The following C18orf63 variants were observed in gnomAD, a reference collection of about 807,000 sequenced individuals.
C18orf63 encodes uncharacterized protein C18orf63.
Under a neutral mutation model 75.3 loss-of-function variants are expected in C18orf63, and 50 were observed. The ratio of observed to expected loss-of-function variants is 0.66; its 90% CI spans 0.53 to 0.84. The LOEUF is 0.84. Ranked by LOEUF, C18orf63 falls within the 40% of genes least tolerant of loss-of-function variation. The pLI is 0.00. For missense variants in C18orf63, 732 were observed against 800.2 expected (o/e 0.91, Z 1.03); for synonymous variants, 232 against 267.6 (o/e 0.87, Z 1.30).
At chr18:74,323,097 C>T (rs2216434) in intron 4 of C18orf63, among the ~76,000 whole-genome samples, 119,558 of 152,160 alleles carry the variant, frequency 0.79, 47,380 homozygotes, top group African/African-American at 0.89. Flanking sequence ...AAATAAAATA[C>T]TATAGATTGT....
Position 74,338,723 on chromosome 18 carries a change from G to GT in C18orf63, c.513dup (p.Glu172Ter). 7.4e-7 allele frequency: 1 copy of GT among 1,345,462 alleles called. No individual in the cohort carries two copies. Among genetic ancestry groups the GT allele is most frequent in the Non-Finnish European group, 9.7e-7 (1 of 1,027,806 alleles). The allele number at this position is 1,345,462 out of a possible 1,614,324, so 83.3% of individuals were successfully genotyped here. On this transcript the variant is annotated frameshift_variant, in exon 8 of 14. Transcript: ENST00000579455. LOFTEE classifies it high-confidence loss of function. ...CTTATTTCTATTAAAAGCTAAAAGA[G>GT]TTTGAGATTTCCCAGAGTATTATAA...
At chr18:74,322,006 T>C (rs1455370250) in intron 3 of C18orf63, among the ~76,000 whole-genome samples, 2 of 152,248 alleles carry the variant, frequency 1.3e-5, no homozygotes, top group Non-Finnish European at 2.9e-5. Flanking sequence ...TATAGTAATT[T>C]ACTTAATACT....
intron 6 of C18orf63, 24 bp downstream of exon 6, chr18:74,329,060 T>A: frequency 7.2e-7 from 1 of 1,385,866 alleles, no homozygotes; most frequent in Non-Finnish European, 9.9e-7. Context: ...CATAAGTCAA[T>A]AGATAAAACA....
chr18:74,326,505 G>A (rs1019934368), intron 4 of C18orf63, among the ~76,000 whole-genome samples: 6 of 152,144 alleles, frequency 3.9e-5, no homozygotes, highest in African/African-American at 1.4e-4. Context: ...TTTGCTTTCT[G>A]TGCAGCTCCC....
rs544004955 is a variant in C18orf63, at chr18:74,347,893, G to C, written c.978+4191G>C. 5.9e-5 allele frequency among the ~76,000 whole-genome samples: 9 copies of C among 152,190 alleles called. No individual in the cohort carries two copies. The East Asian group carries it at 1.7e-3, about 29-fold the overall frequency. On this transcript the variant is annotated intron_variant, in intron 11 of 13. Transcript: ENST00000579455. ...TAGTTTCCCCTTGACATATTTTTGG[G>C]TAGGGAGTAAACTGGGGGATTTTGG... is the stretch of plus-strand genomic sequence containing the variant.
Position 74,353,586 on chromosome 18 carries a change from A to G in C18orf63, c.1319A>G (p.Lys440Arg). ...NITPKFVPVFKNRLLQMNKNT... is the reference protein window; with the variant it reads ...NITPKFVPVFRNRLLQMNKNT... Reference sequence around the variant, plus strand: ...ACCCCTAAGTTTGTACCAGTTTTCAAAAATAGATTGTTACAAATGAACAAA... The same window carrying G: ...ACCCCTAAGTTTGTACCAGTTTTCAGAAATAGATTGTTACAAATGAACAAA... Residue 440 changes from lysine to arginine, a missense_variant, in exon 12 of 14, where the codon AAA becomes AGA. Coordinates refer to ENST00000579455, the MANE Select transcript of C18orf63 (RefSeq NM_001174123.2). The G allele has an allele frequency of 6.5e-7, 1 of 1,536,480 alleles. No individual in the cohort carries two copies. The highest frequency in any genetic ancestry group is 8.7e-7 in the Non-Finnish European group (1 of 1,146,978).
At chr18:74,338,938 A>G in intron 8 of C18orf63, 114 bp downstream of exon 8, 2 of 406,352 alleles carry the variant, frequency 4.9e-6, no homozygotes, top group Non-Finnish European at 4.3e-6. Flanking sequence ...TGAATTTTAA[A>G]ATACTGAATT....
intron 7 of C18orf63, among the ~76,000 whole-genome samples, chr18:74,332,945 G>A (rs1458093802): frequency 6.6e-6 from 1 of 152,082 alleles, no homozygotes; most frequent in African/African-American, 2.4e-5. Context: ...ACCTCAGTTT[G>A]AACCAATTTA....
rs73468639 is a variant in C18orf63 at position 74,328,258 on chromosome 18, C to T, written c.382+200C>T. 1.6e-3 allele frequency among the ~76,000 whole-genome samples: 241 copies of T among 152,260 alleles called. 1 individual carries two copies. Among genetic ancestry groups the T allele is most frequent in the African/African-American group, 5.7e-3 (237 of 41,550 alleles). On this transcript the variant is annotated intron_variant, in intron 5 of 13. Transcript: ENST00000579455. Reference sequence around the variant, plus strand: ...GGAAGATGAAGGAAAAGCAAAGGGACATCTTACTTGGCAGCAGGCAAGAGA... The same window carrying T: ...GGAAGATGAAGGAAAAGCAAAGGGATATCTTACTTGGCAGCAGGCAAGAGA...
chr18:74,343,601 T>A lies in C18orf63; in HGVS notation c.877T>A (p.Ser293Thr), dbSNP rs1239127975. ...GGAAGTTGTGTTGAAAAGTTTTCTTTCAGATTTAAAATCTAAACTGCCCCA... is the reference window on the plus strand; with the variant it reads ...GGAAGTTGTGTTGAAAAGTTTTCTTACAGATTTAAAATCTAAACTGCCCCA... ...DSEVVLKSFL[S>T]DLKSKLPHIC... The change falls in exon 11 of 14, where the codon TCA (serine) becomes ACA (threonine). Residue 293 changes from serine (S) to threonine (T), a missense_variant. This residue lies in a region of C18orf63 where 495 missense variants were observed against 508.7 expected (regional missense o/e 0.97). Transcript: ENST00000579455. 1 of 1,535,190 alleles carries A rather than the reference T, an allele frequency of 6.5e-7. No individual in the cohort carries two copies. Among genetic ancestry groups the A allele is most frequent in the South Asian group, 1.2e-5 (1 of 83,932 alleles).
chr18:74,320,223 G>C (rs1350078052), intron 2 of C18orf63, among the ~76,000 whole-genome samples: 1 of 152,190 alleles, frequency 6.6e-6, no homozygotes, highest in Admixed American at 6.5e-5. Flanking sequence ...CATGATTGGA[G>C]GCCTCAGGAA....
At chr18:74,328,743 T>G (rs1984250187) in intron 5 of C18orf63, among the ~76,000 whole-genome samples, 2 of 152,234 alleles carry the variant, frequency 1.3e-5, no homozygotes, top group Admixed American at 1.3e-4. Context: ...GAAGTCTGAC[T>G]GTTTTCTAAA....
At chr18:74,349,422 C>G (rs1205319616) in intron 11 of C18orf63, among the ~76,000 whole-genome samples, 2 of 152,118 alleles carry the variant, frequency 1.3e-5, no homozygotes, top group East Asian at 3.9e-4. Flanking sequence ...CCCAACCCCC[C>G]AGGTCATGGA....
chr18:74,344,974 A>G (rs930004605), intron 11 of C18orf63, among the ~76,000 whole-genome samples: 2 of 152,048 alleles, frequency 1.3e-5, no homozygotes, highest in African/African-American at 4.8e-5. Flanking sequence ...ACACCAAACT[A>G]TTTCCCTAAC....
intron 7 of C18orf63, among the ~76,000 whole-genome samples, chr18:74,336,188 T>C (rs560171235): frequency 2.6e-5 from 4 of 152,218 alleles, no homozygotes; most frequent in East Asian, 1.9e-4. Flanking sequence ...GAGTTTGTCC[T>C]TCAACTCTGT....
chr18:74,317,173 C>G (rs180940387), intron 1 of C18orf63, among the ~76,000 whole-genome samples: 1 of 152,300 alleles, frequency 6.6e-6, no homozygotes, highest in East Asian at 1.9e-4. Flanking sequence ...TTACTTTTCC[C>G]TAATGTATTT....
At chr18:74,350,251 T>C (rs931450397) in intron 11 of C18orf63, among the ~76,000 whole-genome samples, 26 of 152,272 alleles carry the variant, frequency 1.7e-4, no homozygotes, top group African/African-American at 5.8e-4. Context: ...CTCCCTCCTC[T>C]CTCTGTTCTC....
intron 13 of C18orf63, 66 bp downstream of exon 13, chr18:74,354,612 G>A: frequency 1.4e-6 from 1 of 734,170 alleles, no homozygotes; most frequent in Non-Finnish European, 2.2e-6. Flanking sequence ...AAGTTTAGGG[G>A]TCCCCAACCT....
At chr18:74,351,074 C>T (rs1229164641) in intron 11 of C18orf63, among the ~76,000 whole-genome samples, 1 of 152,182 alleles carries the variant, frequency 6.6e-6, no homozygotes, top group Non-Finnish European at 1.5e-5. Context: ...TGTCTTCTTG[C>T]CCTGGTGGCA....
Sources: allele counts gnomAD v4.1 joint callset (sites outside exome capture counted in the v4.1 genomes callset), GRCh38; gene constraint gnomAD v4.1.1; regional missense constraint gnomAD v4.1.1; transcripts MANE v1.5; gene names NCBI Gene and HGNC (gene_info 2026-07-23, HGNC 2026-07-21).